The following AP4S1 variants were observed in gnomAD, a reference collection of about 807,000 sequenced individuals.
AP4S1 encodes AP-4 complex subunit sigma-1.
Under a neutral mutation model 19.8 loss-of-function variants are expected in AP4S1, and 23 were observed. That is an observed-to-expected ratio of 1.16 (90% CI 0.84 to 1.65). The LOEUF is 1.65. Among genes scored for constraint, AP4S1 ranks in the 40% most tolerant of loss-of-function variants. The pLI, the probability that AP4S1 is intolerant of heterozygous loss-of-function variation, is 0.00. For synonymous variants in AP4S1, 46 were observed against 54.1 expected (o/e 0.85, Z 0.66); for missense variants, 166 against 172.8 (o/e 0.96, Z 0.22).
At chr14:31,026,085 C>G (rs1180593150) in intron 1 of AP4S1, 3 of 1,529,308 alleles carry the variant, frequency 2.0e-6, no homozygotes, top group Non-Finnish European at 1.8e-6. Flanking sequence ...CGCTCCGTTC[C>G]CCCCGGGCGA....
intron 1 of AP4S1, among the ~76,000 whole-genome samples, chr14:31,031,407 A>T (rs1884380059): frequency 2.0e-5 from 3 of 152,196 alleles, no homozygotes; most frequent in Non-Finnish European, 4.4e-5. Context: ...GAGTCTGGGA[A>T]AGGGTGGATC....
chr14:31,041,204 C>T (rs1885092504), intron 1 of AP4S1, among the ~76,000 whole-genome samples: 1 of 152,098 alleles, frequency 6.6e-6, no homozygotes, highest in Admixed American at 6.5e-5. Context: ...GGCTGGAGTG[C>T]AGTGGCGTAA....
intron 5 of AP4S1, among the ~76,000 whole-genome samples, chr14:31,092,375 T>C (rs999449607): frequency 6.6e-6 from 1 of 152,090 alleles, no homozygotes; most frequent in Non-Finnish European, 1.5e-5. Context: ...AAGCTTTGGG[T>C]TTAAATTCAA....
intron 1 of AP4S1, among the ~76,000 whole-genome samples, chr14:31,048,336 A>C (rs1484271442): frequency 6.6e-6 from 1 of 151,832 alleles, no homozygotes; most frequent in Non-Finnish European, 1.5e-5. Context: ...TCCTGACGTC[A>C]GGTGATCCAC....
intron 1 of AP4S1, among the ~76,000 whole-genome samples, chr14:31,042,356 A>G (rs772025590): frequency 6.6e-6 from 1 of 152,218 alleles, no homozygotes; most frequent in Non-Finnish European, 1.5e-5. Flanking sequence ...GGGAATAGAT[A>G]GCAACAACAG....
chr14:31,048,030 T>C (rs1466782201), intron 1 of AP4S1, among the ~76,000 whole-genome samples: 1 of 152,084 alleles, frequency 6.6e-6, no homozygotes, highest in East Asian at 1.9e-4. Flanking sequence ...CATTTAGGTC[T>C]ATGATCTGTT....
At chr14:31,074,178 T>C (rs150629946) in intron 4 of AP4S1, among the ~76,000 whole-genome samples, 1 of 148,784 alleles carries the variant, frequency 6.7e-6, no homozygotes, top group African/African-American at 2.5e-5. Flanking sequence ...TACAAAAAAT[T>C]AGTTGGGCAT....
At chr14:31,089,399 A>T (rs1888015974) in intron 5 of AP4S1, among the ~76,000 whole-genome samples, 1 of 152,176 alleles carries the variant, frequency 6.6e-6, no homozygotes, top group African/African-American at 2.4e-5. Context: ...TAGCTAGAAT[A>T]TTTTTTAAAA....
chr14:31,069,758 A>C, intron 2 of AP4S1, 85 bp from the exon 3 acceptor site: 1 of 1,003,512 alleles, frequency 1.0e-6, no homozygotes, highest in South Asian at 1.3e-5. Flanking sequence ...TTTGTCGGGT[A>C]AATCAGAACC....
At position 31,094,895 on chromosome 14, in the gene AP4S1, A is replaced by G. The variant is rs545198645; in HGVS notation, c.*1860A>G. 1 of 152,256 alleles carries G rather than the reference A, an allele frequency of 6.6e-6. No individual in the cohort carries two copies. Among genetic ancestry groups the G allele is most frequent in the African/African-American group, 2.4e-5 (1 of 41,446 alleles). The allele number at this position is 152,256 out of a possible 1,614,324, so 9.4% of individuals were successfully genotyped here. On this transcript the variant is annotated 3_prime_UTR_variant, in exon 6 of 6. Transcript: ENST00000542754. ...GCCAGGCATGGTGGCAAGCACCTCT[A>G]ATCTCAGCTACTCAGGAGGCTGAGG... is the stretch of plus-strand genomic sequence containing the variant.
intron 1 of AP4S1, among the ~76,000 whole-genome samples, chr14:31,050,677 T>C (rs1054056961): frequency 6.6e-6 from 1 of 152,196 alleles, no homozygotes; most frequent in Admixed American, 6.5e-5. Context: ...TCCCCTAATG[T>C]TATCCTCTCA....
intron 2 of AP4S1, among the ~76,000 whole-genome samples, chr14:31,067,166 C>A (rs1345642228): frequency 6.7e-6 from 1 of 150,218 alleles, no homozygotes; most frequent in East Asian, 1.9e-4. Flanking sequence ...CAAGATTGCT[C>A]CATTGCTCTC....
At chr14:31,092,036 A>G (rs186086068) in intron 5 of AP4S1, among the ~76,000 whole-genome samples, 10 of 152,346 alleles carry the variant, frequency 6.6e-5, no homozygotes. Context: ...GTGGTTTGCT[A>G]GACATCATAG....
intron 1 of AP4S1, among the ~76,000 whole-genome samples, chr14:31,057,106 A>G (rs888525346): frequency 6.6e-6 from 1 of 152,124 alleles, no homozygotes; most frequent in Non-Finnish European, 1.5e-5. Flanking sequence ...TTAAGTGAAC[A>G]TTTAATGACA....
chr14:31,060,385 A>C (rs780272070), intron 1 of AP4S1, among the ~76,000 whole-genome samples: 3 of 152,188 alleles, frequency 2.0e-5, no homozygotes, highest in Non-Finnish European at 4.4e-5. Flanking sequence ...GACTGTAATG[A>C]AAACAGCTCA....
intron 5 of AP4S1, chr14:31,085,118 G>C: frequency 7.5e-7 from 1 of 1,329,440 alleles, no homozygotes; most frequent in Non-Finnish European, 9.6e-7. Context: ...GCTCTAGAAG[G>C]CCCATTCTAT....
At chr14:31,089,306 A>G (rs1421605776) in intron 5 of AP4S1, among the ~76,000 whole-genome samples, 1 of 152,184 alleles carries the variant, frequency 6.6e-6, no homozygotes, top group African/African-American at 2.4e-5. Context: ...GCCCTTGGCC[A>G]CTTACCTAAT....
intron 1 of AP4S1, among the ~76,000 whole-genome samples, chr14:31,049,151 C>A (rs1364652213): frequency 6.6e-6 from 1 of 151,624 alleles, no homozygotes; most frequent in Non-Finnish European, 1.5e-5. Context: ...TGGTGGCTCA[C>A]GCCTGTAATC....
At chr14:31,047,125 A>C (rs1181194943) in intron 1 of AP4S1, among the ~76,000 whole-genome samples, 1 of 152,084 alleles carries the variant, frequency 6.6e-6, no homozygotes, top group African/African-American at 2.4e-5. Context: ...ATTTTTTCAC[A>C]TGCTTATTTG....
Sources: gnomAD v4.1 joint callset for allele counts (sites outside exome capture counted in the v4.1 genomes callset) on GRCh38, gnomAD v4.1.1 for gene constraint, MANE v1.5 for transcripts, NCBI Gene and HGNC (gene_info 2026-07-23, HGNC 2026-07-21) for gene names.